The following ENTPD4 variants were observed in gnomAD, a reference collection of about 807,000 sequenced individuals.
ENTPD4 encodes the protein ectonucleoside triphosphate diphosphohydrolase 4.
Under a neutral mutation model 79.1 loss-of-function variants are expected in ENTPD4, and 60 were observed. The ratio of observed to expected loss-of-function variants is 0.76; its 90% confidence interval spans 0.62 to 0.94. The LOEUF (loss-of-function observed/expected upper bound fraction) is 0.94. Ranked by LOEUF, ENTPD4 falls within the 40% of genes least tolerant of loss-of-function variation. The pLI is 0.00. For synonymous variants in ENTPD4, 276 were observed against 292.0 expected, an observed-to-expected ratio of 0.95 and a Z score of 0.56; for missense variants, 772 against 775.1, an observed-to-expected ratio of 1.00 and a Z score of 0.05.
rs764462493 is a variant in ENTPD4, at chr8:23,448,828, C to G, written c.120G>C (p.Leu40=). 1 of 1,614,074 alleles carries G rather than the reference C, an allele frequency of 6.2e-7. No homozygotes were observed. Among genetic ancestry groups the G allele is most frequent in the East Asian group, 2.2e-5 (1 of 44,868 alleles). Residue 40 remains leucine, a synonymous_variant, in exon 3 of 13, where the codon CTG becomes CTC. Transcript: ENST00000358689. The part of the protein sequence containing the change: ...NLRQIMVISV[L]AAAVSLLYFS... ...AATATAAAAGTGAAACAGCAGCAGC[C>G]AGGACACTAATGACCATAATTTGGC...
intron 9 of ENTPD4, among the ~76,000 whole-genome samples, chr8:23,438,517 G>A (rs1019940611): frequency 2.0e-5 from 3 of 152,150 alleles, no homozygotes; most frequent in Non-Finnish European, 4.4e-5. Flanking sequence ...AAGTCCAAGA[G>A]TAGTCAAATA....
intron 1 of ENTPD4, among the ~76,000 whole-genome samples, chr8:23,454,032 A>G (rs922924612): frequency 6.6e-6 from 1 of 152,216 alleles, no homozygotes; most frequent in Non-Finnish European, 1.5e-5. Flanking sequence ...AGAAACCAAA[A>G]TATTAACAGT....
intron 1 of ENTPD4, among the ~76,000 whole-genome samples, chr8:23,451,953 T>C (rs1800870018): frequency 6.6e-6 from 1 of 152,216 alleles, no homozygotes; most frequent in Admixed American, 6.5e-5. Context: ...TTTATAGTGC[T>C]CATTATGTAC....
Position 23,444,574 on chromosome 8 carries a change from CTT to C in ENTPD4, c.443_444del (p.Lys148SerfsTer3). On this transcript the variant is annotated frameshift_variant, in exon 5 of 13. Coordinates refer to ENST00000358689, the MANE Select transcript of ENTPD4 (RefSeq NM_004901.5). LOFTEE classifies it high-confidence loss of function. ...AAAAGTGGAGAAATGTAATCACTGA[CTT>C]TCTCTGGAGAGGTAGCAAATTCTGA... ...GISEFATSPE[K>X]VSDYISPLLN... is the part of the protein sequence containing the mutation. 1 of 1,614,168 alleles carries C rather than the reference CTT, an allele frequency of 6.2e-7. No homozygotes were observed.
intron 1 of ENTPD4, 109 bp downstream of exon 1, chr8:23,457,448 G>C (rs1191493419): frequency 1.3e-5 from 2 of 152,166 alleles, no homozygotes; most frequent in African/African-American, 2.4e-5. Flanking sequence ...GGGCAGAGAG[G>C]CTCGTCCGCG....
At chr8:23,454,417 G>A (rs368237934) in intron 1 of ENTPD4, among the ~76,000 whole-genome samples, 1 of 152,292 alleles carries the variant, frequency 6.6e-6, no homozygotes, top group South Asian at 2.1e-4. Flanking sequence ...GACATGAGGA[G>A]TAACAAACCC....
At chr8:23,439,701 A>T in intron 9 of ENTPD4, 48 bp downstream of exon 9, 1 of 1,582,310 alleles carries the variant, frequency 6.3e-7, no homozygotes, top group South Asian at 1.1e-5. Flanking sequence ...TTTTATGAGG[A>T]GAGACCTAGG....
chr8:23,432,713 T>C lies in ENTPD4; in HGVS notation c.*213A>G. 1 of 1,085,488 alleles carries C rather than the reference T, an allele frequency of 9.2e-7. No homozygotes were observed. Among genetic ancestry groups the C allele is most frequent in the South Asian group, 1.9e-5 (1 of 53,738 alleles). 67.2% of individuals were successfully genotyped at this position (1,085,488 alleles called of 1,614,324 possible). On this transcript the variant is annotated 3_prime_UTR_variant, in exon 13 of 13. Transcript: ENST00000358689. ...CGGGGTTTCACCGTGTTAGCCAGGA[T>C]GGTCTCGATCTCCTGACCTCATGAT... is the stretch of plus-strand genomic sequence containing the variant.
chr8:23,444,055 C>CCCTGGTTT, intron 5 of ENTPD4, 102 bp from the exon 6 acceptor site: 1 of 710,116 alleles, frequency 1.4e-6, no homozygotes, highest in Non-Finnish European at 2.4e-6. Context: ...AACCAGGGAT[C>CCCTGGTTT]TGGTATATCT....
Position 23,439,819 on chromosome 8 carries a change from C to G in ENTPD4, c.979G>C (p.Gly327Arg). 1 of 1,614,104 alleles carries G rather than the reference C, an allele frequency of 6.2e-7. No individual in the cohort carries two copies. The highest frequency in any genetic ancestry group is 8.5e-7 in the Non-Finnish European group (1 of 1,179,976). ...VYRVYVATFL[G>R]FGGNAARQRY... is the part of the protein sequence containing the mutation. ...TGTCGAGCAGCATTGCCACCAAACC[C>G]AAGAAACGTGGCCACATAGACTCGA... The change falls in exon 9 of 13, where the codon GGG becomes CGG. Residue 327 changes from glycine (G) to arginine (R), a missense_variant. Physicochemically the swap from Gly to Arg is moderately radical, Grantham distance 125. Transcript: ENST00000358689.
At position 23,429,638 on chromosome 8, in the gene ENTPD4, A is replaced by G. The variant is rs995803913; in HGVS notation, c.*3288T>C. 2.2e-5 allele frequency: 22 copies of G among 985,270 alleles called. No homozygotes were observed. Among genetic ancestry groups the G allele is most frequent in the African/African-American group, 2.1e-4 (12 of 57,234 alleles). The allele number at this position is 985,270 out of a possible 1,614,324, so 61.0% of individuals were successfully genotyped here. Reference sequence around the variant, plus strand: ...GTGTAGGCCTGAGTTTAAAATGTAAATATCTGTTTATCCAGAGTTTGTTAA... The same window carrying G: ...GTGTAGGCCTGAGTTTAAAATGTAAGTATCTGTTTATCCAGAGTTTGTTAA... On this transcript the variant is annotated 3_prime_UTR_variant, in exon 13 of 13. Coordinates refer to ENST00000358689, the MANE Select transcript of ENTPD4 (RefSeq NM_004901.5).
chr8:23,434,081 C>T lies in ENTPD4; in HGVS notation c.1622+236G>A, dbSNP rs570880792. ...CTGGGGAACAGACAGTTGAGAATAA[C>T]CAAACACAGGGCAGTAGGACAGGAG... On this transcript the variant is annotated intron_variant, in intron 12 of 12. Coordinates refer to ENST00000358689, the MANE Select transcript of ENTPD4 (RefSeq NM_004901.5). 7 of 511,596 alleles carry T rather than the reference C, an allele frequency of 1.4e-5. No homozygotes were observed. The East Asian group carries it at 1.8e-4, about 13-fold the overall frequency. The allele number at this position is 511,596 out of a possible 1,614,324, so 31.7% of individuals were successfully genotyped here.
chr8:23,436,300 G>C (rs1800559022), intron 10 of ENTPD4, among the ~76,000 whole-genome samples: 1 of 152,226 alleles, frequency 6.6e-6, no homozygotes, highest in Non-Finnish European at 1.5e-5. Context: ...GAGATGAAAT[G>C]GTTAGAGGGA....
Position 23,431,657 on chromosome 8 carries a change from A to T in ENTPD4, c.*1269T>A, listed in dbSNP as rs1024669601. 2 of 985,328 alleles carry T rather than the reference A, an allele frequency of 2.0e-6. No individual in the cohort carries two copies. The highest frequency in any genetic ancestry group is 3.5e-5 in the African/African-American group (2 of 57,232). The allele number at this position is 985,328 out of a possible 1,614,324, so 61.0% of individuals were successfully genotyped here. On this transcript the variant is annotated 3_prime_UTR_variant, in exon 13 of 13. Coordinates refer to ENST00000358689, the MANE Select transcript of ENTPD4 (RefSeq NM_004901.5). ...CGGCAGGCTGTGCATGGGGTCTCCC[A>T]GTACGATTAAAAGCTGAGATGACTT... is the stretch of plus-strand genomic sequence containing the variant.
chr8:23,447,331 T>C (rs995958676), intron 4 of ENTPD4, among the ~76,000 whole-genome samples: 1 of 152,210 alleles, frequency 6.6e-6, no homozygotes, highest in Non-Finnish European at 1.5e-5. Context: ...TCATGAGTTA[T>C]CTGAAATTAC....
intron 4 of ENTPD4, 128 bp from the exon 5 acceptor site, chr8:23,444,734 T>C: frequency 4.0e-6 from 3 of 749,044 alleles, no homozygotes; most frequent in Non-Finnish European, 4.4e-6. Flanking sequence ...CCTATCCTTC[T>C]AGCAACTTCT....
At chr8:23,453,038 G>A (rs1431540873) in intron 1 of ENTPD4, among the ~76,000 whole-genome samples, 2 of 152,128 alleles carry the variant, frequency 1.3e-5, no homozygotes, top group African/African-American at 2.4e-5. Context: ...ACAAATGGCT[G>A]GAAATGGGAG....
chr8:23,432,236 G>C lies in ENTPD4; in HGVS notation c.*690C>G, dbSNP rs968775570. On this transcript the variant is annotated 3_prime_UTR_variant, in exon 13 of 13. Coordinates refer to ENST00000358689, the MANE Select transcript of ENTPD4 (RefSeq NM_004901.5). ...AGAAAAAAGAGGATTATCATTTCAG[G>C]CAGTAAGTTTTTTGGTTCTATGAAA... The C allele has an allele frequency of 2.0e-6, 2 of 985,272 alleles. No individual in the cohort carries two copies. The highest frequency in any genetic ancestry group is 5.2e-4 in the Middle Eastern group (1 of 1,914). 61.0% of individuals were successfully genotyped at this position (985,272 alleles called of 1,614,324 possible).
rs533879942 is a variant in ENTPD4 at position 23,432,925 on chromosome 8, A to T, written c.*1T>A. The T allele has an allele frequency of 6.3e-7, 1 of 1,589,390 alleles. No homozygotes were observed. Among genetic ancestry groups the T allele is most frequent in the Non-Finnish European group, 8.6e-7 (1 of 1,166,748 alleles). On this transcript the variant is annotated 3_prime_UTR_variant, in exon 13 of 13. Transcript: ENST00000358689. ...GAGTCTTCGTGGAGCTGTGAGCTGG[A>T]TCACAAGGTCCCCGGGGCATTCTGG...
Sources: allele counts gnomAD v4.1 joint callset (sites outside exome capture counted in the v4.1 genomes callset), GRCh38; gene constraint gnomAD v4.1.1; transcripts MANE v1.5; gene names NCBI Gene and HGNC (gene_info 2026-07-23, HGNC 2026-07-21).